PSMA8: variants seen among roughly 807,000 people sequenced by gnomAD.
PSMA8 encodes proteasome 20S subunit alpha 8, also known as proteasome subunit alpha-type 8.
Under a neutral mutation model 32.4 loss-of-function variants are expected in PSMA8, and 18 were observed. The ratio of observed to expected loss-of-function variants is 0.56; its 90% CI spans 0.38 to 0.82. The LOEUF (loss-of-function observed/expected upper bound fraction) is 0.82, where lower values mean the gene tolerates loss of function less well. Ranked by LOEUF, PSMA8 falls within the 40% of genes least tolerant of loss-of-function variation. The pLI is 0.00. For synonymous variants in PSMA8, 104 were observed against 98.1 expected (o/e 1.06, Z -0.36); for missense variants, 298 against 300.7 (o/e 0.99, Z 0.07).
At chr18:26,152,194 T>A in intron 3 of PSMA8, among the ~76,000 whole-genome samples, 1 of 152,192 alleles carries the variant, frequency 6.6e-6, no homozygotes, top group East Asian at 1.9e-4. Flanking sequence ...ATTCTGGGAA[T>A]TACATTCAAA....
At chr18:26,141,846 C>T (rs1598641802) in intron 1 of PSMA8, among the ~76,000 whole-genome samples, 1 of 150,320 alleles carries the variant, frequency 6.7e-6, no homozygotes, top group African/African-American at 2.4e-5. Context: ...ACACCATGCT[C>T]GGCTAATTTT....
intron 1 of PSMA8, among the ~76,000 whole-genome samples, chr18:26,137,702 A>C (rs993979517): frequency 5.3e-5 from 8 of 152,224 alleles, no homozygotes; most frequent in Non-Finnish European, 1.0e-4. Flanking sequence ...TAGGTCACAT[A>C]CAAGATAGAT....
At position 26,151,858 on chromosome 18, in the gene PSMA8, G is replaced by C. The variant is rs776235366; in HGVS notation, c.230G>C (p.Gly77Ala). 1 of 1,588,382 alleles carries C rather than the reference G, an allele frequency of 6.3e-7. No individual in the cohort carries two copies. The highest frequency in any genetic ancestry group is 8.5e-7 in the Non-Finnish European group (1 of 1,171,534). Reference protein sequence around the residue: ...LDDHVCMAFAGLTADARVVIN... With the variant: ...LDDHVCMAFAALTADARVVIN... ...TGTGAAGTTTTGACAATTTTTATAGGACTTACTGCTGATGCTAGAGTAGTA... is the reference window on the plus strand; with the variant it reads ...TGTGAAGTTTTGACAATTTTTATAGCACTTACTGCTGATGCTAGAGTAGTA... Residue 77 changes from glycine (G) to alanine (A), a missense_variant and splice_region_variant, in exon 3 of 7, where the codon GGA (glycine) becomes GCA (alanine). Transcript: ENST00000415576.
chr18:26,180,695 G>GACACACAC (rs45627236), intron 6 of PSMA8, among the ~76,000 whole-genome samples: 4,884 of 143,406 alleles, frequency 0.034, 262 homozygotes, highest in African/African-American at 0.11. Context: ...TATAAAAATA[G>GACACACAC]ACACACACAC....
At chr18:26,155,755 G>A (rs935056151) in intron 3 of PSMA8, among the ~76,000 whole-genome samples, 3 of 152,106 alleles carry the variant, frequency 2.0e-5, no homozygotes, top group African/African-American at 7.2e-5. Flanking sequence ...ATATTTTTAT[G>A]GATAAGACTT....
At chr18:26,157,143 G>A (rs1242175288) in intron 3 of PSMA8, among the ~76,000 whole-genome samples, 4 of 151,836 alleles carry the variant, frequency 2.6e-5, no homozygotes, top group Non-Finnish European at 5.9e-5. Flanking sequence ...TAAGAAAATA[G>A]ATATGATACA....
intron 4 of PSMA8, among the ~76,000 whole-genome samples, chr18:26,176,424 C>G (rs1013128360): frequency 6.6e-6 from 1 of 152,118 alleles, no homozygotes; most frequent in Non-Finnish European, 1.5e-5. Context: ...TACCTTTGAT[C>G]TTGGTGAAAT....
chr18:26,142,667 A>C (rs1356458698), intron 1 of PSMA8, among the ~76,000 whole-genome samples: 1 of 152,186 alleles, frequency 6.6e-6, no homozygotes, highest in Non-Finnish European at 1.5e-5. Context: ...TATTTCTCAC[A>C]ATTCTAAAGA....
At position 26,163,263 on chromosome 18, in the gene PSMA8, G is replaced by A. The variant is rs1812062526; in HGVS notation, c.477+5019G>A. ...TATATATATATATATATATATATAT[G>A]CTGTGAGTAAAATGAGACAACAGGG... is the stretch of plus-strand genomic sequence containing the variant. On this transcript the variant is annotated intron_variant, in intron 4 of 6. Transcript: ENST00000415576. 3.3e-5 allele frequency among the ~76,000 whole-genome samples: 3 copies of A among 90,578 alleles called. 1 individual carries two copies. Among genetic ancestry groups the A allele is most frequent in the African/African-American group, 9.7e-5 (2 of 20,540 alleles). The allele number at this position is 90,578 out of a possible 152,430, so 59.4% of individuals were successfully genotyped here.
chr18:26,149,388 A>G (rs2055027890), intron 2 of PSMA8, among the ~76,000 whole-genome samples: 1 of 152,226 alleles, frequency 6.6e-6, no homozygotes, highest in Non-Finnish European at 1.5e-5. Flanking sequence ...ATCCAAAGCA[A>G]TTTAGATTCA....
At chr18:26,134,340 GGTGT>G (rs563053283) in intron 1 of PSMA8, among the ~76,000 whole-genome samples, 2,786 of 135,170 alleles carry the variant, frequency 0.021, 85 homozygotes, top group African/African-American at 0.087. Flanking sequence ...TGTGTGTGTG[GGTGT>G]GTGTGTGTGT....
intron 2 of PSMA8, among the ~76,000 whole-genome samples, chr18:26,145,408 G>A (rs534563929): frequency 3.3e-5 from 5 of 152,150 alleles, no homozygotes; most frequent in East Asian, 1.9e-4. Context: ...GTGAGCCACC[G>A]CGCCCGGCCT....
In PSMA8 at chr18:26,147,449, T is replaced by A. The variant is rs76433212; in HGVS notation, c.229+2764T>A. ...ACATATCAAAACTTGGGGAATGTAT[T>A]GAAAGTAGTGCTAATAGGAAAATTT... On this transcript the variant is annotated intron_variant, in intron 2 of 6. Coordinates refer to ENST00000415576, the MANE Select transcript of PSMA8 (RefSeq NM_001025096.2). Among the ~76,000 whole-genome samples, 186 of 152,126 alleles carry A rather than the reference T, an allele frequency of 1.2e-3. 1 individual carries two copies. The highest frequency in any genetic ancestry group is 4.2e-3 in the African/African-American group (174 of 41,494).
intron 1 of PSMA8, among the ~76,000 whole-genome samples, chr18:26,138,514 G>A (rs2054930085): frequency 6.6e-6 from 1 of 152,194 alleles, no homozygotes; most frequent in Non-Finnish European, 1.5e-5. Flanking sequence ...GCTCTGTGCT[G>A]TGTTGATTTG....
intron 1 of PSMA8, among the ~76,000 whole-genome samples, chr18:26,140,803 A>G (rs1169541515): frequency 6.6e-6 from 1 of 152,242 alleles, no homozygotes; most frequent in Non-Finnish European, 1.5e-5. Flanking sequence ...TAACAAAATT[A>G]GCAAGAATTC....
chr18:26,155,081 A>G (rs2055077785), intron 3 of PSMA8, among the ~76,000 whole-genome samples: 1 of 152,120 alleles, frequency 6.6e-6, no homozygotes, highest in South Asian at 2.1e-4. Flanking sequence ...CAAAAAATAA[A>G]AAAAACAGCT....
intron 3 of PSMA8, among the ~76,000 whole-genome samples, chr18:26,155,917 A>G (rs2055085238): frequency 6.6e-6 from 1 of 152,240 alleles, no homozygotes; most frequent in South Asian, 2.1e-4. Context: ...ACAAGGGATT[A>G]ATATCTGGAA....
intron 3 of PSMA8, 124 bp from the exon 4 acceptor site, chr18:26,157,998 A>G (rs2144306290): frequency 1.5e-6 from 1 of 664,486 alleles, no homozygotes; most frequent in South Asian, 2.3e-5. Flanking sequence ...GTTAGGAAAA[A>G]GATCATTAAT....
In PSMA8 at chr18:26,192,395, C is replaced by A. The variant is rs2055411652; in HGVS notation, c.737C>A (p.Ser246Ter). The change falls in exon 7 of 7, where the codon TCA (serine) becomes TAA (stop). Residue 246 changes from serine to a stop codon, truncating the protein, a stop_gained. Transcript: ENST00000415576. LOFTEE classifies it high-confidence loss of function. ...KEKEEAEKKKSKKSV is the reference protein window; with the variant it reads ...KEKEEAEKKK ...AAGGAAGAAGCAGAGAAGAAAAAAT[C>A]AAAGAAATCTGTCTAATTCTTAGGA... 5 of 1,531,444 alleles carry A rather than the reference C, an allele frequency of 3.3e-6. No individual in the cohort carries two copies. The highest frequency in any genetic ancestry group is 1.4e-5 in the African/African-American group (1 of 69,514). 94.9% of individuals were successfully genotyped at this position (1,531,444 alleles called of 1,614,324 possible).
Sources: allele counts gnomAD v4.1 joint callset (sites outside exome capture counted in the v4.1 genomes callset), GRCh38; gene constraint gnomAD v4.1.1; transcripts MANE v1.5; gene names NCBI Gene and HGNC (gene_info 2026-07-23, HGNC 2026-07-21).